CLSTN2: variants seen among roughly 807,000 people sequenced by gnomAD.
The protein encoded by CLSTN2 is calsyntenin 2, also known as calsyntenin-2.
CLSTN2 carries 48 observed loss-of-function variants against 101.2 expected under a neutral mutation model. That is an observed-to-expected ratio of 0.47 (90% CI 0.38 to 0.60). CLSTN2 has a LOEUF of 0.60. Among genes scored for constraint, CLSTN2 ranks in the 20% least tolerant of loss-of-function variants. The probability of loss-of-function intolerance (pLI) is 0.00; values close to 1 mark genes in which losing one functional copy is unlikely to be tolerated. For synonymous variants in CLSTN2, 481 were observed against 463.6 expected (o/e 1.04, Z -0.48); for missense variants, 1,160 against 1,238.2 (o/e 0.94, Z 0.95).
chr3:140,568,690 C>CT lies in CLSTN2; in HGVS notation c.*2438dup, dbSNP rs1486245028. The CT allele has an allele frequency of 1.3e-5, 2 of 152,102 alleles. No individual in the cohort carries two copies. Among genetic ancestry groups the CT allele is most frequent in the African/African-American group, 4.8e-5 (2 of 41,364 alleles). 9.4% of individuals were successfully genotyped at this position (152,102 alleles called of 1,614,324 possible). ...AGATTTTGATTTTAAATATTTAAGT[C>CT]TGGTGTTTGTGAGAACACTTTTCTC... is the stretch of plus-strand genomic sequence containing the variant. On this transcript the variant is annotated 3_prime_UTR_variant, in exon 17 of 17. Transcript: ENST00000458420.
At chr3:140,023,880 C>G (rs1390648583) in intron 1 of CLSTN2, among the ~76,000 whole-genome samples, 1 of 152,204 alleles carries the variant, frequency 6.6e-6, no homozygotes, top group African/African-American at 2.4e-5. Flanking sequence ...GGTGTGTCCT[C>G]CGTCTGGCAC....
intron 2 of CLSTN2, among the ~76,000 whole-genome samples, chr3:140,388,230 G>C (rs2088074929): frequency 6.6e-6 from 1 of 152,188 alleles, no homozygotes; most frequent in East Asian, 1.9e-4. Context: ...ATATCTGCTG[G>C]GTTTTTAATT....
At chr3:140,035,490 G>C (rs1463116138) in intron 1 of CLSTN2, among the ~76,000 whole-genome samples, 1 of 152,220 alleles carries the variant, frequency 6.6e-6, no homozygotes, top group African/African-American at 2.4e-5. Flanking sequence ...GGGACTGTTA[G>C]AGGGTGAACT....
intron 9 of CLSTN2, among the ~76,000 whole-genome samples, chr3:140,533,981 A>ATGTT (rs1214313077): frequency 1.3e-5 from 2 of 152,156 alleles, no homozygotes; most frequent in East Asian, 1.9e-4. Flanking sequence ...TGATAGCAAA[A>ATGTT]TGTTTATTAA....
rs541298730 is a variant in CLSTN2, at chr3:140,231,106, A to G, written c.232+55033A>G. 2.0e-5 allele frequency among the ~76,000 whole-genome samples: 3 copies of G among 152,294 alleles called. No individual in the cohort carries two copies. In the South Asian group the frequency reaches 6.2e-4, roughly 32 times the overall value. On this transcript the variant is annotated intron_variant, in intron 2 of 16. Transcript: ENST00000458420. ...CACTTCTAACCTTTCTCACCACCATAACAGTCAAAGTGCATGGTGAGAAAA... is the reference window on the plus strand; with the variant it reads ...CACTTCTAACCTTTCTCACCACCATGACAGTCAAAGTGCATGGTGAGAAAA...
intron 1 of CLSTN2, among the ~76,000 whole-genome samples, chr3:140,118,141 C>T (rs151294816): frequency 1.0e-3 from 157 of 151,982 alleles, no homozygotes; most frequent in Non-Finnish European, 1.7e-3. Flanking sequence ...TATAGGGTCA[C>T]GGTGGTCTGC....
At chr3:140,226,476 A>G (rs749420615) in intron 2 of CLSTN2, among the ~76,000 whole-genome samples, 1 of 152,226 alleles carries the variant, frequency 6.6e-6, no homozygotes, top group Non-Finnish European at 1.5e-5. Flanking sequence ...GTTGGAAAAT[A>G]AGGTGGATCG....
chr3:140,481,830 G>C (rs1474181623), intron 8 of CLSTN2, among the ~76,000 whole-genome samples: 1 of 152,108 alleles, frequency 6.6e-6, no homozygotes, highest in East Asian at 1.9e-4. Flanking sequence ...GTTGCCTATC[G>C]GCTTAAGGAG....
intron 5 of CLSTN2, among the ~76,000 whole-genome samples, chr3:140,425,814 A>G (rs1391277598): frequency 6.6e-6 from 1 of 152,152 alleles, no homozygotes; most frequent in Non-Finnish European, 1.5e-5. Context: ...ATAGGTGATA[A>G]TGGTCAGCTC....
chr3:140,328,668 A>C lies in CLSTN2; in HGVS notation c.233-74961A>C, dbSNP rs2087353295. Reference sequence around the variant, plus strand: ...GAACCAATCTAGTAGAATGGTAAAGACAGTGGATCATGGAGACAGTCTAGA... The same window carrying C: ...GAACCAATCTAGTAGAATGGTAAAGCCAGTGGATCATGGAGACAGTCTAGA... On this transcript the variant is annotated intron_variant, in intron 2 of 16. Coordinates refer to ENST00000458420, the MANE Select transcript of CLSTN2 (RefSeq NM_022131.3). Among the ~76,000 whole-genome samples the C allele has an allele frequency of 2.6e-5, 4 of 152,144 alleles. No homozygotes were observed. The South Asian group carries it at 8.3e-4, about 32-fold the overall frequency.
At chr3:140,330,643 C>A (rs928173551) in intron 2 of CLSTN2, among the ~76,000 whole-genome samples, 15 of 152,262 alleles carry the variant, frequency 9.9e-5, no homozygotes, top group Admixed American at 9.2e-4. Flanking sequence ...GGAACCCACA[C>A]CAAGATAAAG....
intron 2 of CLSTN2, among the ~76,000 whole-genome samples, chr3:140,223,947 A>G (rs369055947): frequency 1.3e-5 from 2 of 152,218 alleles, no homozygotes; most frequent in East Asian, 3.9e-4. Flanking sequence ...CGTCCTCTGT[A>G]GTGAAGAAGG....
intron 2 of CLSTN2, among the ~76,000 whole-genome samples, chr3:140,218,718 G>A (rs2086233296): frequency 6.6e-6 from 1 of 152,162 alleles, no homozygotes; most frequent in Admixed American, 6.5e-5. Context: ...CAAGATAGAT[G>A]GCAGCTTTAT....
chr3:140,048,098 G>GGC (rs2007916710), intron 1 of CLSTN2, among the ~76,000 whole-genome samples: 1 of 152,142 alleles, frequency 6.6e-6, no homozygotes, highest in Non-Finnish European at 1.5e-5. Flanking sequence ...GAAGGAATAT[G>GGC]GCTGAAAATT....
At chr3:140,475,876 A>G (rs1338453334) in intron 8 of CLSTN2, among the ~76,000 whole-genome samples, 5 of 152,234 alleles carry the variant, frequency 3.3e-5, no homozygotes, top group Non-Finnish European at 5.9e-5. Context: ...GAATAATATA[A>G]ACATTAAAAA....
At chr3:140,370,642 A>T (rs1487162354) in intron 2 of CLSTN2, among the ~76,000 whole-genome samples, 1 of 152,190 alleles carries the variant, frequency 6.6e-6, no homozygotes, top group African/African-American at 2.4e-5. Flanking sequence ...TTTACTCGGC[A>T]TGCCCTCACC....
intron 2 of CLSTN2, among the ~76,000 whole-genome samples, chr3:140,333,379 G>T (rs1559841446): frequency 6.6e-6 from 1 of 152,164 alleles, no homozygotes; most frequent in Admixed American, 6.5e-5. Context: ...TAAAAGGGAT[G>T]AGTGGACCAG....
At chr3:140,119,552 T>C (rs2009304999) in intron 1 of CLSTN2, among the ~76,000 whole-genome samples, 1 of 152,188 alleles carries the variant, frequency 6.6e-6, no homozygotes, top group South Asian at 2.1e-4. Context: ...TCTTGCTCTG[T>C]TGCCCAGGCT....
At chr3:140,053,220 C>T in intron 1 of CLSTN2, among the ~76,000 whole-genome samples, 1 of 152,212 alleles carries the variant, frequency 6.6e-6, no homozygotes, top group East Asian at 1.9e-4. Context: ...GAGGTAATTT[C>T]ACGCTTCTGG....
Sources: allele counts gnomAD v4.1 joint callset (sites outside exome capture counted in the v4.1 genomes callset), GRCh38; gene constraint gnomAD v4.1.1; transcripts MANE v1.5; gene names NCBI Gene and HGNC (gene_info 2026-07-23, HGNC 2026-07-21).